The following PRR16 variants were observed in gnomAD, a reference collection of about 807,000 sequenced individuals.
PRR16 encodes proline rich 16.
PRR16 carries 6 observed loss-of-function variants against 18.2 expected under a neutral mutation model. The ratio of observed to expected loss-of-function variants is 0.33; its 90% confidence interval spans 0.18 to 0.65. The LOEUF is 0.65. Among genes scored for constraint, PRR16 ranks in the 30% least tolerant of loss-of-function variants. The pLI is 0.74. For synonymous variants in PRR16, 151 were observed against 147.8 expected, an observed-to-expected ratio of 1.02 and a Z score of -0.16; for missense variants, 412 against 376.6, an observed-to-expected ratio of 1.09 and a Z score of -0.78.
the PRR16 span, among the ~76,000 whole-genome samples, chr5:120,701,519 G>A: frequency 6.6e-6 from 1 of 152,180 alleles, no homozygotes; most frequent in African/African-American, 2.4e-5. Flanking sequence ...GCAGGAGGGG[G>A]AGGGCTAGTC....
At chr5:120,579,820 G>A (rs1321258718) in intron 1 of PRR16, among the ~76,000 whole-genome samples, 1 of 152,006 alleles carries the variant, frequency 6.6e-6, no homozygotes, top group African/African-American at 2.4e-5. Context: ...AATTTACAAG[G>A]GCAGTATGGC....
intron 1 of PRR16, among the ~76,000 whole-genome samples, chr5:120,499,302 G>A (rs1445093888): frequency 2.0e-5 from 3 of 151,744 alleles, no homozygotes; most frequent in African/African-American, 7.3e-5. Flanking sequence ...GTAGAGACGG[G>A]GTTTCTCCAC....
chr5:120,680,143 C>G (rs1756926865), intron 1 of PRR16, among the ~76,000 whole-genome samples: 1 of 151,992 alleles, frequency 6.6e-6, no homozygotes, highest in Non-Finnish European at 1.5e-5. Flanking sequence ...CAGATGTTAA[C>G]ATTTTCTCAG....
the PRR16 span, among the ~76,000 whole-genome samples, chr5:120,739,350 T>C: frequency 1.3e-5 from 2 of 152,178 alleles, no homozygotes; most frequent in Admixed American, 6.6e-5. Flanking sequence ...TCATTAAATA[T>C]TGAGTTGCTG....
chr5:120,747,903 A>G, the PRR16 span, among the ~76,000 whole-genome samples: 1 of 152,144 alleles, frequency 6.6e-6, no homozygotes, highest in Non-Finnish European at 1.5e-5. Context: ...TAGTTCCAAA[A>G]AATTAGAAAA....
the PRR16 span, among the ~76,000 whole-genome samples, chr5:120,696,431 T>C: frequency 1.9e-4 from 29 of 152,302 alleles, no homozygotes; most frequent in South Asian, 4.8e-3. Flanking sequence ...AAGAAACATA[T>C]AGTTTCTTGT....
At chr5:120,499,519 G>A (rs1750376610) in intron 1 of PRR16, among the ~76,000 whole-genome samples, 2 of 151,944 alleles carry the variant, frequency 1.3e-5, no homozygotes, top group Admixed American at 1.3e-4. Flanking sequence ...GGATTCTTCT[G>A]TTTCTTCTGT....
chr5:120,741,069 A>G, the PRR16 span, among the ~76,000 whole-genome samples: 4 of 152,028 alleles, frequency 2.6e-5, no homozygotes, highest in Middle Eastern at 3.4e-3. Context: ...TTCTTTAGCT[A>G]TATTCTTCTG....
intron 1 of PRR16, among the ~76,000 whole-genome samples, chr5:120,628,753 CT>C (rs1754960228): frequency 6.7e-6 from 1 of 150,104 alleles, no homozygotes; most frequent in African/African-American, 2.4e-5. Flanking sequence ...TATCTATCAT[CT>C]ATCTGTCTTT....
chr5:120,479,658 A>T (rs2112808756), intron 1 of PRR16, among the ~76,000 whole-genome samples: 1 of 152,306 alleles, frequency 6.6e-6, no homozygotes, highest in African/African-American at 2.4e-5. Context: ...GAATATTAAT[A>T]GTTGCTAGCA....
intron 1 of PRR16, among the ~76,000 whole-genome samples, chr5:120,540,077 C>G (rs1224023182): frequency 6.6e-6 from 1 of 152,060 alleles, no homozygotes; most frequent in Non-Finnish European, 1.5e-5. Flanking sequence ...TTTGGTGAAC[C>G]TAACAGGGCT....
chr5:120,765,748 C>A, the PRR16 span, among the ~76,000 whole-genome samples: 1 of 151,934 alleles, frequency 6.6e-6, no homozygotes, highest in South Asian at 2.1e-4. Context: ...CCAACATTTC[C>A]AAAGCCCCCA....
At chr5:120,792,261 C>T in the PRR16 span, among the ~76,000 whole-genome samples, 1 of 152,202 alleles carries the variant, frequency 6.6e-6, no homozygotes. Context: ...ATCAGGCCTG[C>T]TCTTCAGCAG....
chr5:120,509,300 C>T (rs1042247272), intron 1 of PRR16, among the ~76,000 whole-genome samples: 9 of 152,056 alleles, frequency 5.9e-5, no homozygotes, highest in Non-Finnish European at 8.8e-5. Context: ...GTTGAGGTCT[C>T]TTCATCCGTC....
In PRR16 at chr5:120,561,677, A is replaced by G. The variant is rs373193360; in HGVS notation, c.159+97032A>G. Among the ~76,000 whole-genome samples the G allele has an allele frequency of 5.9e-4, 90 of 152,226 alleles. 3 individuals carry two copies. In the South Asian group the frequency reaches 0.018, roughly 30 times the overall value. On this transcript the variant is annotated intron_variant, in intron 1 of 1. Coordinates refer to ENST00000407149, the MANE Select transcript of PRR16 (RefSeq NM_001300783.2). ...AGATTTCATCTTGACTTGTACTCCC[A>G]TAATTCCCAGGTGTTGTAGGAGGGA...
chr5:120,734,681 C>T, the PRR16 span, among the ~76,000 whole-genome samples: 8,519 of 152,138 alleles, frequency 0.056, 292 homozygotes, highest in Middle Eastern at 0.19. Flanking sequence ...GTATATATTG[C>T]AGCACCTAGC....
At chr5:120,769,410 TATC>T in the PRR16 span, among the ~76,000 whole-genome samples, 1 of 151,912 alleles carries the variant, frequency 6.6e-6, no homozygotes, top group South Asian at 2.1e-4. Context: ...AAGGGCATAA[TATC>T]ATATTGTTAA....
At chr5:120,766,062 G>A in the PRR16 span, among the ~76,000 whole-genome samples, 3 of 152,004 alleles carry the variant, frequency 2.0e-5, no homozygotes, top group African/African-American at 4.8e-5. Context: ...AAACAGTAAT[G>A]CTGTAAATAT....
At chr5:120,648,858 T>C (rs1755684503) in intron 1 of PRR16, among the ~76,000 whole-genome samples, 1 of 152,126 alleles carries the variant, frequency 6.6e-6, no homozygotes. Context: ...TTGATGTCAC[T>C]GAATGTGGAA....
Sources: allele counts gnomAD v4.1 joint callset (sites outside exome capture counted in the v4.1 genomes callset), GRCh38; gene constraint gnomAD v4.1.1; transcripts MANE v1.5; gene names NCBI Gene and HGNC (gene_info 2026-07-23, HGNC 2026-07-21).